The following SLC4A7 variants were observed in gnomAD, a reference collection of about 807,000 sequenced individuals.
SLC4A7 encodes the protein solute carrier family 4 member 7.
Under a neutral mutation model 137.6 loss-of-function variants are expected in SLC4A7, and 51 were observed. The observed-to-expected ratio is 0.37, with a 90% confidence interval of 0.30 to 0.47. The LOEUF is 0.47. SLC4A7 is among the 20% of genes least tolerant of loss of function. SLC4A7 has a pLI of 1.00. For missense variants in SLC4A7, 1,247 were observed against 1,525.4 expected (o/e 0.82, Z 3.04); for synonymous variants, 542 against 518.6 (o/e 1.05, Z -0.61).
intron 5 of SLC4A7, among the ~76,000 whole-genome samples, chr3:27,434,592 C>T (rs1348181635): frequency 2.0e-5 from 3 of 152,108 alleles, no homozygotes; most frequent in South Asian, 4.1e-4. Flanking sequence ...CTGCTCTCTT[C>T]GAGAGGTAGA....
At chr3:27,468,406 G>C (rs946030166) in intron 1 of SLC4A7, among the ~76,000 whole-genome samples, 5 of 152,052 alleles carry the variant, frequency 3.3e-5, no homozygotes, top group Non-Finnish European at 4.4e-5. Flanking sequence ...ATTTATTTTG[G>C]CTGAAGATAA....
chr3:27,457,253 T>C (rs9810427), intron 1 of SLC4A7, among the ~76,000 whole-genome samples: 3,657 of 152,186 alleles, frequency 0.024, 165 homozygotes, highest in African/African-American at 0.085. Context: ...ATTTACACAA[T>C]AATAAAGCCA....
intron 1 of SLC4A7, among the ~76,000 whole-genome samples, chr3:27,483,418 C>A (rs1192269308): frequency 6.6e-6 from 1 of 152,220 alleles, no homozygotes; most frequent in East Asian, 1.9e-4. Context: ...GGAGGATACT[C>A]CCCGGGTCCC....
At chr3:27,420,124 C>T (rs1405589814) in intron 10 of SLC4A7, among the ~76,000 whole-genome samples, 1 of 151,416 alleles carries the variant, frequency 6.6e-6, no homozygotes, top group Non-Finnish European at 1.5e-5. Flanking sequence ...GAGATTGCAC[C>T]ACTGCACTCC....
At chr3:27,415,254 GC>G (rs1183368153) in intron 11 of SLC4A7, among the ~76,000 whole-genome samples, 1 of 152,122 alleles carries the variant, frequency 6.6e-6, no homozygotes, top group African/African-American at 2.4e-5. Context: ...TCCCTTACTG[GC>G]AAGGTACTTC....
chr3:27,436,678 G>T, intron 4 of SLC4A7, 130 bp from the exon 5 acceptor site: 1 of 600,238 alleles, frequency 1.7e-6, no homozygotes, highest in Non-Finnish European at 2.7e-6. Context: ...GACCAAACAC[G>T]TTTTCACAAA....
In SLC4A7 at chr3:27,403,272, G is replaced by A. The variant is rs2052972141; in HGVS notation, c.2188C>T (p.Arg730Ter). The change falls in exon 15 of 26, where the codon CGA becomes TGA. Residue 730 changes from arginine (R) to a stop codon, truncating the protein, a stop_gained. Transcript: ENST00000454389. LOFTEE classifies it high-confidence loss of function. ...DASSLVCYIT[R>*]FTEEAFAALI... ...GCTGCAAAAGCCTCTTCTGTAAATC[G>A]AGTAATATAACACACAAGGCTGCTT... 1 of 1,613,912 alleles carries A rather than the reference G, an allele frequency of 6.2e-7. No homozygotes were observed.
rs1279024065 is a variant in SLC4A7, at chr3:27,437,394, G to C, written c.422C>G (p.Thr141Ser). The C allele has an allele frequency of 6.4e-7, 1 of 1,572,896 alleles. No individual in the cohort carries two copies. The highest frequency in any genetic ancestry group is 8.6e-7 in the Non-Finnish European group (1 of 1,163,634). The stretch of plus-strand genomic sequence containing the variant: ...AGAGACTTAGCAGTATTACCTAGCA[G>C]TTTCTTTCCATTCATATTCTTCTCC... ...RDGEEYEWKE[T>S]ARWLKFEEDV... Residue 141 changes from threonine to serine, a missense_variant, in exon 4 of 26, where the codon ACT becomes AGT. Physicochemically the swap from Thr to Ser is moderately conservative, Grantham distance 58 (BLOSUM62 1). Coordinates refer to ENST00000454389, the MANE Select transcript of SLC4A7 (RefSeq NM_001321103.2).
chr3:27,427,201 C>G (rs1272903173), intron 7 of SLC4A7, among the ~76,000 whole-genome samples: 2 of 152,106 alleles, frequency 1.3e-5, no homozygotes, highest in Non-Finnish European at 2.9e-5. Flanking sequence ...AGGACTACTC[C>G]CCTGCCACCC....
At chr3:27,482,771 C>G (rs1203566010) in intron 1 of SLC4A7, among the ~76,000 whole-genome samples, 1 of 143,448 alleles carries the variant, frequency 7.0e-6, no homozygotes, top group Non-Finnish European at 1.6e-5. Context: ...GACTCTGTCT[C>G]AAAATAATAA....
chr3:27,425,884 A>T, intron 7 of SLC4A7, among the ~76,000 whole-genome samples: 1 of 152,098 alleles, frequency 6.6e-6, no homozygotes, highest in East Asian at 1.9e-4. Context: ...GTACTGAAAT[A>T]CAACAGACTT....
At chr3:27,457,280 A>G (rs560572488) in intron 1 of SLC4A7, among the ~76,000 whole-genome samples, 21 of 152,310 alleles carry the variant, frequency 1.4e-4, no homozygotes, top group Admixed American at 8.5e-4. Flanking sequence ...GTTAATATAC[A>G]TAACATTTTA....
chr3:27,446,075 A>G (rs1444701865), intron 3 of SLC4A7, among the ~76,000 whole-genome samples: 1 of 147,864 alleles, frequency 6.8e-6, no homozygotes, highest in African/African-American at 2.5e-5. Context: ...ATATGAGGTT[A>G]AGGATGTGTT....
At chr3:27,445,345 C>G (rs1436705784) in intron 3 of SLC4A7, among the ~76,000 whole-genome samples, 1 of 152,104 alleles carries the variant, frequency 6.6e-6, no homozygotes, top group African/African-American at 2.4e-5. Flanking sequence ...CTATGCTCCT[C>G]AACTCTAGGC....
intron 10 of SLC4A7, among the ~76,000 whole-genome samples, chr3:27,420,081 C>T (rs1294226942): frequency 2.0e-5 from 3 of 151,580 alleles, no homozygotes; most frequent in South Asian, 4.2e-4. Context: ...CCCAGCTACT[C>T]GGGAGGCTGA....
chr3:27,410,922 T>C (rs1015684226), intron 12 of SLC4A7, among the ~76,000 whole-genome samples: 1 of 152,174 alleles, frequency 6.6e-6, no homozygotes, highest in Non-Finnish European at 1.5e-5. Context: ...TCAAAATCCC[T>C]AAGATTGTAT....
Position 27,469,236 on chromosome 3 carries a change from T to C in SLC4A7, c.60+14831A>G, listed in dbSNP as rs576691424. 1.6e-3 allele frequency among the ~76,000 whole-genome samples: 248 copies of C among 152,316 alleles called. 1 individual carries two copies. Among genetic ancestry groups the C allele is most frequent in the African/African-American group, 5.9e-3 (244 of 41,578 alleles). On this transcript the variant is annotated intron_variant, in intron 1 of 25. Coordinates refer to ENST00000454389, the MANE Select transcript of SLC4A7 (RefSeq NM_001321103.2). ...ACTTCTATGACCAAATGTCAGGGGA[T>C]TTCTCCCCACGAGCAAGCCAAGTAA...
intron 8 of SLC4A7, among the ~76,000 whole-genome samples, chr3:27,422,472 T>TA (rs1333079431): frequency 6.6e-6 from 1 of 152,228 alleles, no homozygotes; most frequent in East Asian, 1.9e-4. Flanking sequence ...GGGCTTGCTA[T>TA]ATTGCCCAGG....
intron 22 of SLC4A7, among the ~76,000 whole-genome samples, chr3:27,386,758 G>T (rs1426416689): frequency 6.6e-6 from 1 of 151,780 alleles, no homozygotes; most frequent in Non-Finnish European, 1.5e-5. Context: ...TTTACACTTG[G>T]GTTTTCCTAT....
Sources: allele counts gnomAD v4.1 joint callset (sites outside exome capture counted in the v4.1 genomes callset), GRCh38; gene constraint gnomAD v4.1.1; transcripts MANE v1.5; gene names NCBI Gene and HGNC (gene_info 2026-07-23, HGNC 2026-07-21).